Variants in MSI2 observed in about 807,000 individuals in gnomAD.
MSI2 encodes the protein musashi RNA binding protein 2, also known as RNA-binding protein Musashi homolog 2.
A neutral mutation model predicts 45.6 loss-of-function variants in MSI2; 17 were observed. That is an observed-to-expected ratio of 0.37 (90% CI 0.26 to 0.56). MSI2 has a LOEUF of 0.56. Ranked by LOEUF, MSI2 falls within the 20% of genes least tolerant of loss-of-function variation. The pLI is 0.77. For synonymous variants in MSI2, 156 were observed against 158.2 expected (o/e 0.99, Z 0.11); for missense variants, 293 against 444.2 (o/e 0.66, Z 3.06).
At chr17:57,562,134 A>C (rs2087592248) in intron 7 of MSI2, among the ~76,000 whole-genome samples, 1 of 152,202 alleles carries the variant, frequency 6.6e-6, no homozygotes, top group Admixed American at 6.5e-5. Flanking sequence ...TTTTCCATTT[A>C]TCTATCCATC....
intron 6 of MSI2, among the ~76,000 whole-genome samples, chr17:57,411,106 G>A (rs768988471): frequency 1.3e-4 from 20 of 152,322 alleles, no homozygotes; most frequent in Non-Finnish European, 2.1e-4. Context: ...TGGGGCTCAG[G>A]TGATTCCCCA....
At chr17:57,456,310 G>A (rs967304564) in intron 6 of MSI2, among the ~76,000 whole-genome samples, 4 of 152,166 alleles carry the variant, frequency 2.6e-5, no homozygotes, top group South Asian at 2.1e-4. Context: ...ATGAGGGAGC[G>A]AAGAACATCA....
chr17:57,507,433 A>G (rs1438088033), intron 6 of MSI2, among the ~76,000 whole-genome samples: 1 of 152,182 alleles, frequency 6.6e-6, no homozygotes, highest in Non-Finnish European at 1.5e-5. Context: ...GTGAACTCAT[A>G]TTCAGACTCT....
intron 8 of MSI2, among the ~76,000 whole-genome samples, chr17:57,600,648 C>T (rs1013053919): frequency 6.6e-6 from 1 of 152,100 alleles, no homozygotes; most frequent in South Asian, 2.1e-4. Context: ...TCACAGGGGA[C>T]CAGGATAGCT....
the MSI2 span, among the ~76,000 whole-genome samples, chr17:57,690,156 T>G: frequency 2.0e-5 from 3 of 152,062 alleles, no homozygotes; most frequent in East Asian, 1.9e-4. Flanking sequence ...TCAGTTTTTT[T>G]TTTTTTTTTT....
At chr17:57,319,635 C>T (rs1488243664) in intron 5 of MSI2, among the ~76,000 whole-genome samples, 1 of 152,088 alleles carries the variant, frequency 6.6e-6, no homozygotes, top group African/African-American at 2.4e-5. Context: ...TTGTTTTTGA[C>T]AGGGTCTCAC....
intron 7 of MSI2, among the ~76,000 whole-genome samples, chr17:57,566,678 G>A (rs533742105): frequency 1.4e-4 from 21 of 152,348 alleles, no homozygotes; most frequent in Non-Finnish European, 2.4e-4. Context: ...CTGAGAGATT[G>A]AGGATTTGGC....
At chr17:57,357,686 C>T (rs548006630) in intron 5 of MSI2, among the ~76,000 whole-genome samples, 4 of 152,250 alleles carry the variant, frequency 2.6e-5, no homozygotes, top group Non-Finnish European at 5.9e-5. Context: ...TCATGACCTG[C>T]CCGACTTGAT....
At chr17:57,293,596 T>TG (rs1555573445) in intron 5 of MSI2, among the ~76,000 whole-genome samples, 5 of 17,500 alleles carry the variant, frequency 2.9e-4, no homozygotes, top group Non-Finnish European at 4.5e-4. Context: ...TGTTTTTTTG[T>TG]TTTTTTTTTT....
intron 5 of MSI2, among the ~76,000 whole-genome samples, chr17:57,398,317 T>C (rs2083927575): frequency 6.6e-6 from 1 of 152,180 alleles, no homozygotes; most frequent in Non-Finnish European, 1.5e-5. Context: ...ATAGTATGGC[T>C]CTCCAGAGTT....
chr17:57,325,784 A>G (rs1240181570), intron 5 of MSI2, among the ~76,000 whole-genome samples: 12 of 152,284 alleles, frequency 7.9e-5, no homozygotes. Context: ...CAAATTCTTA[A>G]GGGGCTCCCA....
Position 57,560,831 on chromosome 17 carries a change from T to C in MSI2, c.454+31107T>C, listed in dbSNP as rs561959049. Among the ~76,000 whole-genome samples, 28 of 152,246 alleles carry C rather than the reference T, an allele frequency of 1.8e-4. 1 individual carries two copies. The South Asian group carries it at 4.8e-3, about 26-fold the overall frequency. ...AGCACAAGCATGCCTTGCAGGTTGG[T>C]TTTGGTTATTTAATCTTTGCCAAGT... On this transcript the variant is annotated intron_variant, in intron 7 of 13. Coordinates refer to ENST00000284073, the MANE Select transcript of MSI2 (RefSeq NM_138962.4).
At chr17:57,477,229 A>T (rs892603004) in intron 6 of MSI2, among the ~76,000 whole-genome samples, 21 of 147,790 alleles carry the variant, frequency 1.4e-4, no homozygotes, top group Admixed American at 1.3e-3. Flanking sequence ...GGAGCTGTTT[A>T]TCTGTACTCT....
intron 9 of MSI2, 42 bp downstream of exon 9, chr17:57,616,126 G>T: frequency 6.7e-7 from 1 of 1,498,714 alleles, no homozygotes; most frequent in Non-Finnish European, 9.3e-7. Context: ...GACTGGGAGG[G>T]CTATGGAGGC....
intron 6 of MSI2, among the ~76,000 whole-genome samples, chr17:57,468,772 T>C (rs2085378800): frequency 1.3e-5 from 2 of 152,070 alleles, no homozygotes; most frequent in Non-Finnish European, 2.9e-5. Flanking sequence ...CTCTTGGGCC[T>C]CATCCGGGCA....
chr17:57,691,028 C>T, the MSI2 span, among the ~76,000 whole-genome samples: 6 of 152,226 alleles, frequency 3.9e-5, 1 homozygote, highest in South Asian at 1.0e-3. Flanking sequence ...ATATTGAAAT[C>T]CAGTTGTTCT....
At chr17:57,316,051 G>C (rs1912824166) in intron 5 of MSI2, among the ~76,000 whole-genome samples, 1 of 151,998 alleles carries the variant, frequency 6.6e-6, no homozygotes, top group South Asian at 2.1e-4. Context: ...CGAGAGAATA[G>C]AGGTGTTCTT....
At chr17:57,402,260 C>T (rs1343698354) in intron 6 of MSI2, among the ~76,000 whole-genome samples, 1 of 152,072 alleles carries the variant, frequency 6.6e-6, no homozygotes, top group Non-Finnish European at 1.5e-5. Context: ...GAGGGCTGAC[C>T]CTTGTTGGCT....
chr17:57,625,588 G>T (rs1201162960), intron 9 of MSI2: 6 of 152,222 alleles, frequency 3.9e-5, no homozygotes, highest in African/African-American at 1.2e-4. Context: ...TTTTTAAAGG[G>T]TTTGTGTAGA....
Sources: allele counts gnomAD v4.1 joint callset (sites outside exome capture counted in the v4.1 genomes callset), GRCh38; gene constraint gnomAD v4.1.1; transcripts MANE v1.5; gene names NCBI Gene and HGNC (gene_info 2026-07-23, HGNC 2026-07-21).